The following EXOC4 variants were observed in gnomAD, a reference collection of about 807,000 sequenced individuals.
EXOC4 encodes SEC8-like 1.
In EXOC4, 71 loss-of-function variants were observed where a neutral mutation model predicts 107.2. The observed-to-expected ratio is 0.66, with a 90% CI of 0.55 to 0.81. The LOEUF is 0.81. Ranked by LOEUF, EXOC4 falls within the 30% of genes least tolerant of loss-of-function variation. The pLI is 0.00. For missense variants in EXOC4, 1,108 were observed against 1,189.6 expected, an observed-to-expected ratio of 0.93 and a Z score of 1.01; for synonymous variants, 456 against 441.2, an observed-to-expected ratio of 1.03 and a Z score of -0.42.
chr7:133,325,354 G>T (rs186173618), intron 5 of EXOC4, among the ~76,000 whole-genome samples: 5 of 152,276 alleles, frequency 3.3e-5, no homozygotes, highest in Admixed American at 2.6e-4. Flanking sequence ...GGTACTGGTT[G>T]TTCCTTTCCA....
At chr7:133,736,227 T>C (rs1406144301) in intron 10 of EXOC4, among the ~76,000 whole-genome samples, 3 of 152,226 alleles carry the variant, frequency 2.0e-5, no homozygotes, top group Non-Finnish European at 4.4e-5. Context: ...ACCCCAAGTT[T>C]ATCCAAACAG....
chr7:133,573,456 A>G (rs1213647978), intron 9 of EXOC4, among the ~76,000 whole-genome samples: 2 of 152,134 alleles, frequency 1.3e-5, no homozygotes, highest in South Asian at 2.1e-4. Flanking sequence ...CTGATAAGTC[A>G]TCATCTCTGG....
chr7:133,389,677 A>G (rs1426811217), intron 7 of EXOC4, among the ~76,000 whole-genome samples: 1 of 151,616 alleles, frequency 6.6e-6, no homozygotes, highest in Non-Finnish European at 1.5e-5. Context: ...TGCATGTTGA[A>G]TTGAAGGTCT....
chr7:133,854,238 T>G (rs1291679592), intron 11 of EXOC4, among the ~76,000 whole-genome samples: 1 of 151,908 alleles, frequency 6.6e-6, no homozygotes. Flanking sequence ...TTCCTCAGGG[T>G]GAGGCTGGGG....
intron 14 of EXOC4, among the ~76,000 whole-genome samples, chr7:133,958,253 C>G (rs1800862111): frequency 7.6e-6 from 1 of 132,096 alleles, no homozygotes; most frequent in Non-Finnish European, 1.6e-5. Context: ...TTTGCAAGTA[C>G]TATCATTTCT....
the EXOC4 span, among the ~76,000 whole-genome samples, chr7:134,082,272 G>A: frequency 6.6e-6 from 1 of 152,106 alleles, no homozygotes; most frequent in African/African-American, 2.4e-5. Flanking sequence ...TCTGAGAACT[G>A]AGGGTTACTC....
intron 7 of EXOC4, among the ~76,000 whole-genome samples, chr7:133,385,101 C>A (rs1272528116): frequency 6.6e-6 from 1 of 152,152 alleles, no homozygotes; most frequent in African/African-American, 2.4e-5. Flanking sequence ...GGTAGTTGGA[C>A]TTCATACATG....
chr7:133,699,695 G>A (rs779370403), intron 10 of EXOC4, among the ~76,000 whole-genome samples: 22 of 152,146 alleles, frequency 1.4e-4, no homozygotes, highest in Non-Finnish European at 2.9e-4. Flanking sequence ...TTTTGTTGGG[G>A]TTTGAATAAG....
intron 11 of EXOC4, among the ~76,000 whole-genome samples, chr7:133,865,372 C>T (rs1255228890): frequency 1.3e-5 from 2 of 152,152 alleles, no homozygotes; most frequent in Non-Finnish European, 2.9e-5. Flanking sequence ...ATAAATTCAG[C>T]GTATGCCAAC....
chr7:133,873,216 C>T (rs1040399093), intron 11 of EXOC4, among the ~76,000 whole-genome samples: 2 of 152,192 alleles, frequency 1.3e-5, no homozygotes, highest in Admixed American at 1.3e-4. Context: ...GTGGCAGAGT[C>T]AGACCCTGTC....
chr7:133,929,193 C>T (rs1050365786), intron 13 of EXOC4, among the ~76,000 whole-genome samples: 2 of 151,958 alleles, frequency 1.3e-5, no homozygotes, highest in Non-Finnish European at 2.9e-5. Context: ...GGCCTCCCAA[C>T]GTGCTGGTAT....
intron 7 of EXOC4, among the ~76,000 whole-genome samples, chr7:133,452,448 T>G (rs1447788115): frequency 1.3e-5 from 2 of 151,450 alleles, no homozygotes; most frequent in African/African-American, 4.9e-5. Flanking sequence ...AAATGTTGTG[T>G]CTGAGGAGGA....
chr7:133,623,149 A>G lies in EXOC4; in HGVS notation c.1418-6896A>G, dbSNP rs574004146. Among the ~76,000 whole-genome samples, 198 of 152,168 alleles carry G rather than the reference A, an allele frequency of 1.3e-3. 1 individual carries two copies. Among genetic ancestry groups the G allele is most frequent in the African/African-American group, 4.4e-3 (182 of 41,530 alleles). On this transcript the variant is annotated intron_variant, in intron 9 of 17. Transcript: ENST00000253861. The stretch of plus-strand genomic sequence containing the variant: ...CTTTCCCTTCTTTTCCTTTTTTTCT[A>G]CATATCCAGGATAATAACTTGGCAC...
chr7:133,317,716 CTG>C (rs966108153), intron 5 of EXOC4, among the ~76,000 whole-genome samples: 1 of 152,032 alleles, frequency 6.6e-6, no homozygotes, highest in African/African-American at 2.4e-5. Flanking sequence ...GAGTCTCGCT[CTG>C]TTGCCCAGGC....
chr7:134,023,495 T>TATGTG (rs2116436031), intron 17 of EXOC4, among the ~76,000 whole-genome samples: 1 of 152,304 alleles, frequency 6.6e-6, no homozygotes, highest in East Asian at 1.9e-4. Flanking sequence ...TTGTATAACT[T>TATGTG]ATGTGATTTA....
chr7:133,739,815 C>G (rs756050265), intron 10 of EXOC4, among the ~76,000 whole-genome samples: 24 of 152,248 alleles, frequency 1.6e-4, no homozygotes, highest in Admixed American at 2.6e-4. Flanking sequence ...CATAACTTCT[C>G]TAATATTTCA....
chr7:133,257,050 A>G (rs967517495), intron 1 of EXOC4, among the ~76,000 whole-genome samples: 1 of 152,218 alleles, frequency 6.6e-6, no homozygotes, highest in Admixed American at 6.5e-5. Context: ...TCGAATAAAA[A>G]TATTTCAGGG....
intron 9 of EXOC4, among the ~76,000 whole-genome samples, chr7:133,619,962 A>C (rs116922979): frequency 6.7e-6 from 1 of 149,512 alleles, no homozygotes; most frequent in Non-Finnish European, 1.5e-5. Flanking sequence ...CGTGCTGCCT[A>C]CCTTCTCTGT....
chr7:133,897,457 T>C (rs1440308456), intron 12 of EXOC4, among the ~76,000 whole-genome samples: 1 of 152,082 alleles, frequency 6.6e-6, no homozygotes, highest in Admixed American at 6.5e-5. Flanking sequence ...AAATTTAAAG[T>C]TTTTGGATTT....
Sources: gnomAD v4.1 joint callset for allele counts (sites outside exome capture counted in the v4.1 genomes callset) on GRCh38, gnomAD v4.1.1 for gene constraint, MANE v1.5 for transcripts, NCBI Gene and HGNC (gene_info 2026-07-23, HGNC 2026-07-21) for gene names.